The following RBFOX1 variants were observed in gnomAD, a reference collection of about 807,000 sequenced individuals.
RBFOX1 encodes RNA binding protein fox-1 homolog 1.
A neutral mutation model predicts 57.7 loss-of-function variants in RBFOX1; 8 were observed. The ratio of observed to expected loss-of-function variants is 0.14; its 90% CI spans 0.08 to 0.25. The LOEUF is 0.25. Among genes scored for constraint, RBFOX1 ranks in the 10% least tolerant of loss-of-function variants. The probability of loss-of-function intolerance (pLI) is 1.00; values close to 1 mark genes in which losing one functional copy is unlikely to be tolerated. For synonymous variants in RBFOX1, 326 were observed against 222.4 expected, an observed-to-expected ratio of 1.47 and a Z score of -4.15; for missense variants, 611 against 548.5, an observed-to-expected ratio of 1.11 and a Z score of -1.14.
chr16:7,602,674 G>A (rs1008296846), intron 9 of RBFOX1, among the ~76,000 whole-genome samples: 3 of 152,070 alleles, frequency 2.0e-5, no homozygotes, highest in African/African-American at 4.8e-5. Context: ...ACATAAGCCC[G>A]CATGAGCTCT....
At chr16:7,383,828 G>A (rs905091591) in intron 4 of RBFOX1, among the ~76,000 whole-genome samples, 2 of 151,986 alleles carry the variant, frequency 1.3e-5, no homozygotes, top group Admixed American at 6.6e-5. Context: ...AGGCCGAGGC[G>A]GGCAGATCAC....
Position 6,984,323 on chromosome 16 carries a change from C to T in RBFOX1, c.-15-67734C>T, listed in dbSNP as rs193151763. 6.6e-5 allele frequency among the ~76,000 whole-genome samples: 10 copies of T among 152,256 alleles called. No individual in the cohort carries two copies. The East Asian group carries it at 1.4e-3, about 21-fold the overall frequency. ...AGAGAAATTTGACCAGCCCTTTGAT[C>T]TGTGAAATATGATGGTATCAATGTC... On this transcript the variant is annotated intron_variant, in intron 3 of 15. Transcript: ENST00000550418.
chr16:6,893,892 A>G (rs1334219831), intron 3 of RBFOX1, among the ~76,000 whole-genome samples: 1 of 152,192 alleles, frequency 6.6e-6, no homozygotes, highest in Non-Finnish European at 1.5e-5. Flanking sequence ...TGATAGGGTC[A>G]GCTGTCACAC....
At chr16:5,861,146 G>T (rs1049005626) in intron 3 of RBFOX1, among the ~76,000 whole-genome samples, 1 of 152,176 alleles carries the variant, frequency 6.6e-6, no homozygotes, top group Non-Finnish European at 1.5e-5. Context: ...AGCAGAAGTG[G>T]ATTTCCTATC....
chr16:6,837,635 A>C lies in RBFOX1; in HGVS notation c.-16+182985A>C, dbSNP rs145993021. Among the ~76,000 whole-genome samples, 31 of 152,290 alleles carry C rather than the reference A, an allele frequency of 2.0e-4. 1 individual carries two copies. The highest frequency in any genetic ancestry group is 7.0e-4 in the African/African-American group (29 of 41,546). On this transcript the variant is annotated intron_variant, in intron 3 of 15. Coordinates refer to ENST00000550418, the MANE Select transcript of RBFOX1 (RefSeq NM_018723.4). ...CTTGGGCAAGTCGCTCAATCTCTCT[A>C]AGCCTCACTCCCTCATTGAAAATTG...
chr16:6,324,101 C>G (rs28634171), intron 2 of RBFOX1, among the ~76,000 whole-genome samples: 5,287 of 152,184 alleles, frequency 0.035, 307 homozygotes, highest in African/African-American at 0.12. Context: ...TAACCATCAC[C>G]TTAATAGTAT....
intron 2 of RBFOX1, among the ~76,000 whole-genome samples, chr16:6,440,597 T>A (rs976317142): frequency 2.0e-5 from 3 of 151,754 alleles, no homozygotes; most frequent in African/African-American, 7.3e-5. Context: ...GTCAAAGAGA[T>A]CAAGATCATC....
chr16:6,713,368 C>T (rs1438950896), intron 3 of RBFOX1, among the ~76,000 whole-genome samples: 7 of 152,082 alleles, frequency 4.6e-5, no homozygotes. Context: ...CCTCCACATC[C>T]CCATCTCTCA....
At chr16:5,304,108 A>G (rs1406400848) in intron 1 of RBFOX1, among the ~76,000 whole-genome samples, 1 of 152,246 alleles carries the variant, frequency 6.6e-6, no homozygotes, top group Non-Finnish European at 1.5e-5. Flanking sequence ...TTTAAGTGAC[A>G]CAGCATAATG....
intron 1 of RBFOX1, among the ~76,000 whole-genome samples, chr16:6,242,236 A>C (rs1051869377): frequency 1.3e-5 from 2 of 152,110 alleles, no homozygotes; most frequent in African/African-American, 4.8e-5. Flanking sequence ...CTCTCTATAT[A>C]TAAGTATATG....
chr16:6,848,937 T>C (rs2093915274), intron 3 of RBFOX1, among the ~76,000 whole-genome samples: 1 of 152,178 alleles, frequency 6.6e-6, no homozygotes, highest in African/African-American at 2.4e-5. Context: ...TGTCTCACCC[T>C]GGGTAATTCT....
intron 4 of RBFOX1, among the ~76,000 whole-genome samples, chr16:7,365,016 C>G (rs2097412609): frequency 6.6e-6 from 1 of 152,184 alleles, no homozygotes; most frequent in South Asian, 2.1e-4. Context: ...GTCTGTCTGT[C>G]TATCCATCCG....
intron 3 of RBFOX1, among the ~76,000 whole-genome samples, chr16:6,864,385 T>A (rs964033051): frequency 2.0e-5 from 3 of 152,154 alleles, no homozygotes; most frequent in African/African-American, 7.2e-5. Context: ...GAAGGCTATT[T>A]GTTTTACTTT....
chr16:6,083,503 G>T (rs1567414163), intron 1 of RBFOX1, among the ~76,000 whole-genome samples: 1 of 151,978 alleles, frequency 6.6e-6, no homozygotes. Flanking sequence ...TTGAGATAGG[G>T]TCTTGCTTTC....
chr16:6,026,271 C>T (rs149092615), intron 1 of RBFOX1, among the ~76,000 whole-genome samples: 177 of 152,360 alleles, frequency 1.2e-3, no homozygotes, highest in African/African-American at 4.1e-3. Flanking sequence ...TAGCATCTAG[C>T]GTGGTGCAAG....
intron 1 of RBFOX1, among the ~76,000 whole-genome samples, chr16:6,180,608 C>T (rs1049004130): frequency 6.6e-6 from 1 of 151,824 alleles, no homozygotes; most frequent in African/African-American, 2.4e-5. Flanking sequence ...CTTTGTCACC[C>T]AGGCTGGAGT....
At chr16:6,725,476 G>A (rs886672851) in intron 3 of RBFOX1, among the ~76,000 whole-genome samples, 1 of 152,122 alleles carries the variant, frequency 6.6e-6, no homozygotes, top group Admixed American at 6.5e-5. Flanking sequence ...AGCCCAGTGG[G>A]TCTCAGCCTT....
intron 1 of RBFOX1, among the ~76,000 whole-genome samples, chr16:5,351,078 G>A (rs936769746): frequency 6.6e-6 from 1 of 152,128 alleles, no homozygotes; most frequent in African/African-American, 2.4e-5. Flanking sequence ...GGTGGAAGCA[G>A]GTTGACCCCG....
chr16:7,641,911 A>T (rs999152785), intron 11 of RBFOX1, among the ~76,000 whole-genome samples: 8 of 151,840 alleles, frequency 5.3e-5, no homozygotes, highest in African/African-American at 1.9e-4. Flanking sequence ...CTCAAATGCT[A>T]CTCTTTCTTT....
Sources: allele counts gnomAD v4.1 joint callset (sites outside exome capture counted in the v4.1 genomes callset), GRCh38; gene constraint gnomAD v4.1.1; transcripts MANE v1.5; gene names NCBI Gene and HGNC (gene_info 2026-07-23, HGNC 2026-07-21).